Variants in ATP10A observed in about 807,000 individuals in gnomAD.
ATP10A encodes the protein phospholipid-transporting ATPase VA.
In ATP10A, 111 loss-of-function variants were observed where a neutral mutation model predicts 147.8. That is an observed-to-expected ratio of 0.75 (90% CI 0.64 to 0.88). The LOEUF (loss-of-function observed/expected upper bound fraction) is 0.88. ATP10A is among the 40% of genes least tolerant of loss of function. The pLI, the probability that ATP10A is intolerant of heterozygous loss-of-function variation, is 0.00. For missense variants in ATP10A, 1,927 were observed against 1,959.0 expected (o/e 0.98, Z 0.31); for synonymous variants, 875 against 841.6 (o/e 1.04, Z -0.69).
At chr15:25,782,665 C>A (rs1004181288) in intron 1 of ATP10A, among the ~76,000 whole-genome samples, 14 of 152,094 alleles carry the variant, frequency 9.2e-5, no homozygotes, top group Admixed American at 6.6e-4. Flanking sequence ...GAGTCACTAT[C>A]AACAGATATT....
intron 2 of ATP10A, 143 bp downstream of exon 2, chr15:25,780,876 T>C: frequency 1.2e-6 from 1 of 857,408 alleles, no homozygotes; most frequent in East Asian, 2.6e-5. Flanking sequence ...AGGGGTCCTC[T>C]CAGACCCTCA....
At chr15:25,862,317 T>G in intron 1 of ATP10A, 1 of 540,274 alleles carries the variant, frequency 1.9e-6, no homozygotes, top group Non-Finnish European at 3.5e-6. Context: ...TTTCCTGCCT[T>G]TCACTTCAGG....
rs142601422 is a variant in ATP10A, at chr15:25,757,694, T to G, written c.655-21553A>C. On this transcript the variant is annotated intron_variant, in intron 2 of 20. Coordinates refer to ENST00000555815, the MANE Select transcript of ATP10A (RefSeq NM_024490.4). The stretch of plus-strand genomic sequence containing the variant: ...TCTTTCTTTTGCATGAGAGATAACT[T>G]TGTGTGGTCAAAATTGTTAGATATG... 1.4e-3 allele frequency among the ~76,000 whole-genome samples: 219 copies of G among 152,324 alleles called. 1 individual carries two copies. Among genetic ancestry groups the G allele is most frequent in the African/African-American group, 5.1e-3 (213 of 41,566 alleles).
chr15:25,724,800 A>G (rs1363596151), intron 5 of ATP10A, among the ~76,000 whole-genome samples: 1 of 152,254 alleles, frequency 6.6e-6, no homozygotes, highest in Admixed American at 6.5e-5. Context: ...AGTTCAGAAA[A>G]TAACATTACA....
chr15:25,707,953 C>T (rs946597735), intron 12 of ATP10A, 23 bp downstream of exon 12: 1 of 1,612,814 alleles, frequency 6.2e-7, no homozygotes, highest in South Asian at 1.1e-5. Context: ...TGCCCTTAGG[C>T]ATGCGACTCT....
chr15:25,682,053 TAAAAAAAA>T (rs5811392), intron 17 of ATP10A, among the ~76,000 whole-genome samples: 3 of 127,192 alleles, frequency 2.4e-5, no homozygotes, highest in African/African-American at 8.9e-5. Flanking sequence ...GACCTTGTCT[TAAAAAAAA>T]AAAAAAAAAA....
At chr15:25,772,242 G>C (rs981608081) in intron 2 of ATP10A, among the ~76,000 whole-genome samples, 1 of 152,052 alleles carries the variant, frequency 6.6e-6, no homozygotes, top group African/African-American at 2.4e-5. Context: ...CTGAATCTCT[G>C]GTCCATAGGA....
At chr15:25,733,874 C>T (rs141295657) in intron 3 of ATP10A, among the ~76,000 whole-genome samples, 2,353 of 152,336 alleles carry the variant, frequency 0.015, 62 homozygotes, top group African/African-American at 0.053. Context: ...GGCAACATGC[C>T]GGTGAGGACA....
chr15:25,860,380 T>C (rs1011258536), intron 1 of ATP10A, among the ~76,000 whole-genome samples: 2 of 152,178 alleles, frequency 1.3e-5, no homozygotes, highest in African/African-American at 4.8e-5. Flanking sequence ...GGACTTCACC[T>C]GGTAGACATG....
chr15:25,781,286 T>A (rs1341889398), intron 1 of ATP10A, 63 bp from the exon 2 acceptor site: 9 of 1,374,460 alleles, frequency 6.5e-6, no homozygotes, highest in Non-Finnish European at 9.1e-6. Context: ...ATCTGGGTGA[T>A]GGGCACGTGG....
At chr15:25,833,967 G>A (rs1892480456) in intron 1 of ATP10A, among the ~76,000 whole-genome samples, 1 of 150,636 alleles carries the variant, frequency 6.6e-6, no homozygotes, top group African/African-American at 2.5e-5. Context: ...GGGAGACTGT[G>A]TCTCAAAAAA....
chr15:25,679,791 CA>C lies in ATP10A; in HGVS notation c.4049del (p.Leu1350ArgfsTer26), dbSNP rs1567293724. The C allele has an allele frequency of 1.9e-6, 3 of 1,612,784 alleles. No homozygotes were observed. The highest frequency in any genetic ancestry group is 2.2e-5 in the South Asian group (2 of 91,078). ...SGRTVKTSVP[L>X]SQPSWHTQQP... ...GCTGTGTGTGCCAAGAAGGCTGGGA[CA>C]GGGGCACAGAGGTCTTGACTGTCCT... On this transcript the variant is annotated frameshift_variant, in exon 21 of 21. Transcript: ENST00000555815. LOFTEE classifies it high-confidence loss of function.
intron 12 of ATP10A, among the ~76,000 whole-genome samples, chr15:25,702,409 T>C (rs1900722371): frequency 6.6e-6 from 1 of 152,246 alleles, no homozygotes; most frequent in South Asian, 2.1e-4. Flanking sequence ...CCTCAACTTC[T>C]TTCTAACTTG....
chr15:25,853,000 C>G (rs777347269), intron 1 of ATP10A, among the ~76,000 whole-genome samples: 4 of 152,194 alleles, frequency 2.6e-5, no homozygotes, highest in African/African-American at 4.8e-5. Context: ...TTTCCTCTAG[C>G]CCCTACAAGG....
At chr15:25,765,279 A>T (rs1458541025) in intron 2 of ATP10A, among the ~76,000 whole-genome samples, 1 of 152,152 alleles carries the variant, frequency 6.6e-6, no homozygotes, top group Non-Finnish European at 1.5e-5. Context: ...CCTCTATAGA[A>T]TACCTGCCAA....
chr15:25,783,710 G>C (rs1004000996), intron 1 of ATP10A, among the ~76,000 whole-genome samples: 1 of 152,220 alleles, frequency 6.6e-6, no homozygotes, highest in Non-Finnish European at 1.5e-5. Flanking sequence ...AGCTATCACC[G>C]CTAGAGAGCG....
chr15:25,781,746 T>C (rs1386120991), intron 1 of ATP10A, among the ~76,000 whole-genome samples: 1 of 152,180 alleles, frequency 6.6e-6, no homozygotes, highest in South Asian at 2.1e-4. Flanking sequence ...GGCCACATAT[T>C]GTATGACTCC....
At chr15:25,732,044 G>T (rs1886967626) in intron 3 of ATP10A, among the ~76,000 whole-genome samples, 1 of 151,984 alleles carries the variant, frequency 6.6e-6, no homozygotes, top group Non-Finnish European at 1.5e-5. Context: ...GTGTGTGTGT[G>T]TGATTTTTGT....
chr15:25,810,050 C>A lies in ATP10A; in HGVS notation c.450-28827G>T, dbSNP rs187746357. On this transcript the variant is annotated intron_variant, in intron 1 of 20. Coordinates refer to ENST00000555815, the MANE Select transcript of ATP10A (RefSeq NM_024490.4). ...AAATGACGGAACGTCCATAGTGGAA[C>A]CTAGTCTTACACATTAGGCTCATCA... 1.4e-4 allele frequency among the ~76,000 whole-genome samples: 21 copies of A among 151,854 alleles called. No individual in the cohort carries two copies. In the East Asian group the frequency reaches 3.9e-3, roughly 28 times the overall value.
Sources: allele counts gnomAD v4.1 joint callset (sites outside exome capture counted in the v4.1 genomes callset), GRCh38; gene constraint gnomAD v4.1.1; transcripts MANE v1.5; gene names NCBI Gene and HGNC (gene_info 2026-07-23, HGNC 2026-07-21).